The following JAK1 variants were observed in gnomAD, a reference collection of about 807,000 sequenced individuals.
The protein encoded by JAK1 is Janus kinase 1.
Under a neutral mutation model 136.6 loss-of-function variants are expected in JAK1, and 16 were observed. The ratio of observed to expected loss-of-function variants is 0.12; its 90% CI spans 0.08 to 0.18. JAK1 has a LOEUF of 0.18. Among genes scored for constraint, JAK1 ranks in the 10% least tolerant of loss-of-function variants. The pLI, the probability that JAK1 is intolerant of heterozygous loss-of-function variation, is 1.00. For synonymous variants in JAK1, 492 were observed against 519.5 expected (o/e 0.95, Z 0.72); for missense variants, 859 against 1,450.1 (o/e 0.59, Z 6.62).
At chr1:65,014,446 G>A (rs1646875632) in intron 2 of JAK1, among the ~76,000 whole-genome samples, 1 of 148,860 alleles carries the variant, frequency 6.7e-6, no homozygotes, top group Non-Finnish European at 1.5e-5. Flanking sequence ...ATGGGAGGGA[G>A]GGAAAGGAAA....
At chr1:65,024,973 G>A (rs1041004155) in intron 2 of JAK1, among the ~76,000 whole-genome samples, 4 of 151,858 alleles carry the variant, frequency 2.6e-5, no homozygotes, top group African/African-American at 7.3e-5. Flanking sequence ...GCGAAACTCT[G>A]TCTCAAAAAA....
chr1:64,977,264 T>G (rs1646504748), intron 2 of JAK1, among the ~76,000 whole-genome samples: 1 of 152,066 alleles, frequency 6.6e-6, no homozygotes, highest in Non-Finnish European at 1.5e-5. Context: ...TCCTCCCACC[T>G]CAGCCTCCCA....
chr1:64,964,535 T>A lies in JAK1; in HGVS notation c.-78+1798A>T, dbSNP rs78040066. Among the ~76,000 whole-genome samples the A allele has an allele frequency of 8.0e-3, 1,223 of 152,328 alleles. 18 individuals are homozygous for A. The highest frequency in any genetic ancestry group is 0.028 in the African/African-American group (1,148 of 41,564). On this transcript the variant is annotated intron_variant, in intron 1 of 24. Transcript: ENST00000342505. ...AAATGTTTGAATTATTTTACCTATA[T>A]CTAATTTATGCATTCTCTACAATCA...
At chr1:64,957,879 G>C (rs886160740) in intron 1 of JAK1, among the ~76,000 whole-genome samples, 2 of 152,120 alleles carry the variant, frequency 1.3e-5, no homozygotes, top group Admixed American at 1.3e-4. Flanking sequence ...GGGAGGCAGA[G>C]GTTGCAGTGA....
chr1:64,894,553 G>A (rs756347044), intron 1 of JAK1, among the ~76,000 whole-genome samples: 133 of 152,230 alleles, frequency 8.7e-4, no homozygotes, highest in Admixed American at 5.8e-3. Context: ...GAGGTCAGGA[G>A]TTCGAAACCA....
intron 1 of JAK1, among the ~76,000 whole-genome samples, chr1:64,957,388 T>C (rs11208557): frequency 0.21 from 32,062 of 152,236 alleles, 4,311 homozygotes; most frequent in East Asian, 0.41. Context: ...CCTCCACCTT[T>C]GTTCTCTCTG....
At chr1:64,860,994 G>A (rs549075884) in intron 8 of JAK1, among the ~76,000 whole-genome samples, 1 of 149,670 alleles carries the variant, frequency 6.7e-6, no homozygotes, top group Admixed American at 6.7e-5. Flanking sequence ...GGGGTGACGC[G>A]GTGGGGGAGG....
chr1:64,934,400 G>A (rs1166400370), intron 1 of JAK1, among the ~76,000 whole-genome samples: 8 of 152,230 alleles, frequency 5.3e-5, no homozygotes, highest in Non-Finnish European at 1.2e-4. Flanking sequence ...ACCAGGCAGT[G>A]AAGAGCAGGG....
intron 2 of JAK1, among the ~76,000 whole-genome samples, chr1:65,019,461 C>A (rs1326385087): frequency 1.3e-5 from 2 of 148,370 alleles, no homozygotes; most frequent in African/African-American, 2.5e-5. Flanking sequence ...TGACCCCCCC[C>A]CCAATATATT....
At chr1:64,864,648 G>C in intron 8 of JAK1, 139 bp downstream of exon 8, 1 of 648,798 alleles carries the variant, frequency 1.5e-6, no homozygotes, top group Middle Eastern at 2.5e-4. Flanking sequence ...TTGGTAATAG[G>C]AACTTTTTGG....
intron 1 of JAK1, among the ~76,000 whole-genome samples, chr1:64,921,468 ATTAAC>A (rs375736598): frequency 8.5e-5 from 13 of 152,228 alleles, no homozygotes; most frequent in South Asian, 4.1e-4. Context: ...TTTCACATCT[ATTAAC>A]TTAACTGATT....
intron 2 of JAK1, among the ~76,000 whole-genome samples, chr1:64,979,329 T>A (rs953603539): frequency 2.6e-5 from 4 of 152,018 alleles, no homozygotes; most frequent in Non-Finnish European, 5.9e-5. Flanking sequence ...ACCCCAGGAG[T>A]TCGAGGCTGT....
rs1414039705 is a variant in JAK1, at chr1:65,067,032, C to T, written c.-181+572G>A. ...GGCCGCGCAAAACCGCGGAAATGCC[C>T]ATGGGCGAGGTCGCCCCGCTACCCC... On this transcript the variant is annotated intron_variant, in intron 1 of 25. Transcript: ENST00000671954. Among the ~76,000 whole-genome samples the T allele has an allele frequency of 2.0e-5, 3 of 152,244 alleles. No individual in the cohort carries two copies. In the East Asian group the frequency reaches 5.8e-4, roughly 30 times the overall value.
In JAK1 at chr1:64,915,982, T is replaced by C. The variant is rs1320541580; in HGVS notation, c.-77-29641A>G. Among the ~76,000 whole-genome samples the C allele has an allele frequency of 2.6e-5, 4 of 152,322 alleles. 1 individual carries two copies. Among genetic ancestry groups the C allele is most frequent in the African/African-American group, 9.6e-5 (4 of 41,568 alleles). On this transcript the variant is annotated intron_variant, in intron 1 of 24. Coordinates refer to ENST00000342505, the MANE Select transcript of JAK1 (RefSeq NM_002227.4). ...GGTGAGAGACTGGAATACTGTCTTC[T>C]GAGGAATGTGACCATCTCACCAGGA...
chr1:64,917,002 A>C (rs1464833152), intron 1 of JAK1, among the ~76,000 whole-genome samples: 1 of 152,116 alleles, frequency 6.6e-6, no homozygotes, highest in African/African-American at 2.4e-5. Context: ...CAGCAAAACC[A>C]TTTGAGAAAG....
chr1:64,967,060 GAAAA>G (rs202230651), upstream of JAK1, among the ~76,000 whole-genome samples: 1 of 140,072 alleles, frequency 7.1e-6, no homozygotes, highest in African/African-American at 2.6e-5. Context: ...AGCTCTTTAC[GAAAA>G]AAAAAAAAGC....
At chr1:64,980,578 T>TTATA (rs958607103) in intron 2 of JAK1, among the ~76,000 whole-genome samples, 4 of 151,396 alleles carry the variant, frequency 2.6e-5, no homozygotes, top group Non-Finnish European at 5.9e-5. Flanking sequence ...AACTCTTTTT[T>TTATA]TATATATATA....
chr1:64,883,229 C>T (rs368799808), intron 3 of JAK1, 48 bp downstream of exon 3: 358 of 1,486,722 alleles, frequency 2.4e-4, no homozygotes, highest in Non-Finnish European at 3.2e-4. Flanking sequence ...ATCTTCTGAA[C>T]TAGTGTGTTG....
intron 2 of JAK1, among the ~76,000 whole-genome samples, chr1:65,024,074 C>T (rs970287535): frequency 3.3e-5 from 5 of 152,076 alleles, no homozygotes; most frequent in African/African-American, 1.2e-4. Context: ...GTACTATGAG[C>T]ATTCTTGTAC....
Sources: gnomAD v4.1 joint callset for allele counts (sites outside exome capture counted in the v4.1 genomes callset) on GRCh38, gnomAD v4.1.1 for gene constraint, MANE v1.5 for transcripts, NCBI Gene and HGNC (gene_info 2026-07-23, HGNC 2026-07-21) for gene names.